The following ANKH variants were observed in gnomAD, a reference collection of about 807,000 sequenced individuals.
ANKH encodes mineralization regulator ANKH.
In ANKH, 15 loss-of-function variants were observed where a neutral mutation model predicts 49.0. The ratio of observed to expected loss-of-function variants is 0.31; its 90% CI spans 0.20 to 0.47. ANKH has a LOEUF of 0.47. Ranked by LOEUF, ANKH falls within the 20% of genes least tolerant of loss-of-function variation. The pLI is 1.00. For missense variants in ANKH, 429 were observed against 652.0 expected (o/e 0.66, Z 3.72); for synonymous variants, 273 against 260.0 (o/e 1.05, Z -0.48).
At chr5:14,766,980 G>A (rs1739276825) in intron 2 of ANKH, among the ~76,000 whole-genome samples, 1 of 152,200 alleles carries the variant, frequency 6.6e-6, no homozygotes, top group South Asian at 2.1e-4. Flanking sequence ...AGAAATGTAA[G>A]TAGCTGTTTT....
At chr5:14,847,647 A>G (rs1742003723) in intron 1 of ANKH, among the ~76,000 whole-genome samples, 1 of 152,218 alleles carries the variant, frequency 6.6e-6, no homozygotes. Context: ...CTGCCAAAGC[A>G]CAAAGCATAT....
At chr5:14,869,559 A>G (rs558738648) in intron 1 of ANKH, 11 of 152,366 alleles carry the variant, frequency 7.2e-5, no homozygotes, top group African/African-American at 2.6e-4. Context: ...CAGGTTAGCA[A>G]TGTTTTAAGG....
intron 1 of ANKH, among the ~76,000 whole-genome samples, chr5:14,825,772 A>C (rs1388768847): frequency 6.6e-6 from 1 of 152,258 alleles, no homozygotes; most frequent in Non-Finnish European, 1.5e-5. Context: ...TAAGAAAATA[A>C]GTGCCTAATC....
At chr5:14,861,582 C>A (rs902371335) in intron 1 of ANKH, among the ~76,000 whole-genome samples, 2 of 152,126 alleles carry the variant, frequency 1.3e-5, no homozygotes, top group Non-Finnish European at 2.9e-5. Flanking sequence ...GTGCCTGTCA[C>A]CTCCTCATGC....
intron 1 of ANKH, among the ~76,000 whole-genome samples, chr5:14,802,479 C>A (rs374160854): frequency 6.6e-6 from 1 of 152,094 alleles, no homozygotes; most frequent in Non-Finnish European, 1.5e-5. Flanking sequence ...GTTGTCCCCT[C>A]GAGTCCATTT....
At position 14,706,274 on chromosome 5, in the gene ANKH, A is replaced by G. The variant is rs981389793; in HGVS notation, c.*4923T>C. 6.6e-6 allele frequency: 1 copy of G among 152,244 alleles called. No homozygotes were observed. Among genetic ancestry groups the G allele is most frequent in the Non-Finnish European group, 1.5e-5 (1 of 68,034 alleles). The allele number at this position is 152,244 out of a possible 1,614,324, so 9.4% of individuals were successfully genotyped here. ...GACAGCCACCTATAAAAGTGCATAT[A>G]TCTTATGCAGTCTTTTAGAGATCCT... On this transcript the variant is annotated 3_prime_UTR_variant, in exon 12 of 12. Transcript: ENST00000284268.
chr5:14,781,966 G>A (rs1739819929), intron 1 of ANKH, among the ~76,000 whole-genome samples: 1 of 152,074 alleles, frequency 6.6e-6, no homozygotes, highest in African/African-American at 2.4e-5. Flanking sequence ...GGGATCCTGG[G>A]AGTCTTTTAA....
intron 1 of ANKH, among the ~76,000 whole-genome samples, chr5:14,838,276 C>T (rs1741715975): frequency 6.9e-6 from 1 of 145,632 alleles, no homozygotes; most frequent in Non-Finnish European, 1.5e-5. Flanking sequence ...AAAAAAATTA[C>T]CTAACGCTAA....
At chr5:14,834,542 A>C (rs1329615884) in intron 1 of ANKH, among the ~76,000 whole-genome samples, 1 of 152,126 alleles carries the variant, frequency 6.6e-6, no homozygotes, top group Non-Finnish European at 1.5e-5. Context: ...GCACTTTGGG[A>C]GGCTGAGGTG....
intron 8 of ANKH, chr5:14,741,526 A>T: frequency 3.3e-6 from 1 of 303,174 alleles, no homozygotes; most frequent in Non-Finnish European, 6.2e-6. Flanking sequence ...ATGTTTAAAA[A>T]GTGGGCTAGA....
chr5:14,783,928 T>G (rs200030037), intron 1 of ANKH, among the ~76,000 whole-genome samples: 184 of 152,314 alleles, frequency 1.2e-3, no homozygotes, highest in Non-Finnish European at 2.1e-3. Flanking sequence ...TTAGAGCAGC[T>G]GAAGAGTTGT....
At chr5:14,736,211 C>T (rs1281048409) in intron 8 of ANKH, among the ~76,000 whole-genome samples, 1 of 151,982 alleles carries the variant, frequency 6.6e-6, no homozygotes, top group Non-Finnish European at 1.5e-5. Flanking sequence ...AAGCAGCCTC[C>T]ATGTGTTGAA....
At chr5:14,797,231 C>T in intron 1 of ANKH, 3 of 1,351,240 alleles carry the variant, frequency 2.2e-6, no homozygotes, top group Non-Finnish European at 2.1e-6. Flanking sequence ...ATACAGAACA[C>T]ATCACTCAAG....
chr5:14,854,162 T>C (rs1392463300), intron 1 of ANKH, among the ~76,000 whole-genome samples: 1 of 152,208 alleles, frequency 6.6e-6, no homozygotes, highest in Non-Finnish European at 1.5e-5. Context: ...TAAATGAATA[T>C]CATAGCATTT....
intron 8 of ANKH, among the ~76,000 whole-genome samples, chr5:14,717,530 CAG>C (rs1375494269): frequency 5.9e-5 from 9 of 152,200 alleles, no homozygotes; most frequent in Non-Finnish European, 1.2e-4. Context: ...CTTCCAGAGA[CAG>C]GGTGAAGGCA....
chr5:14,864,085 A>G lies in ANKH; in HGVS notation c.96+7267T>C, dbSNP rs138411094. On this transcript the variant is annotated intron_variant, in intron 1 of 11. Transcript: ENST00000284268. Reference sequence around the variant, plus strand: ...AAAAATTAGGCAGGCATGGTTCCATATGCCTGGAATCCCAGCTACTCAGAG... The same window carrying G: ...AAAAATTAGGCAGGCATGGTTCCATGTGCCTGGAATCCCAGCTACTCAGAG... Among the ~76,000 whole-genome samples the G allele has an allele frequency of 1.7e-4, 26 of 152,284 alleles. No homozygotes were observed. In the East Asian group the frequency reaches 4.6e-3, roughly 27 times the overall value.
At chr5:14,850,889 T>C (rs1339309872) in intron 1 of ANKH, among the ~76,000 whole-genome samples, 1 of 151,576 alleles carries the variant, frequency 6.6e-6, no homozygotes, top group Admixed American at 6.6e-5. Context: ...TTTCTCCTGA[T>C]GATTAGATTA....
intron 6 of ANKH, among the ~76,000 whole-genome samples, chr5:14,747,940 C>T (rs946462267): frequency 2.0e-5 from 3 of 152,164 alleles, no homozygotes; most frequent in Admixed American, 6.5e-5. Flanking sequence ...ATATCCATCC[C>T]ATAGGGTTAC....
rs554872189 is a variant in ANKH, at chr5:14,826,322, A to G, written c.96+45030T>C. ...TATATCTGGATTTGGTCTCCCAAAA[A>G]AGAAAACAGAGTTGGTGACTAAGTT... On this transcript the variant is annotated intron_variant, in intron 1 of 11. Coordinates refer to ENST00000284268, the MANE Select transcript of ANKH (RefSeq NM_054027.6). 3.9e-5 allele frequency among the ~76,000 whole-genome samples: 6 copies of G among 152,348 alleles called. No individual in the cohort carries two copies. The South Asian group carries it at 1.0e-3, about 26-fold the overall frequency.
Sources: allele counts gnomAD v4.1 joint callset (sites outside exome capture counted in the v4.1 genomes callset), GRCh38; gene constraint gnomAD v4.1.1; transcripts MANE v1.5; gene names NCBI Gene and HGNC (gene_info 2026-07-23, HGNC 2026-07-21).